The following CADM2 variants were observed in gnomAD, a reference collection of about 807,000 sequenced individuals.
CADM2 encodes the protein cell adhesion molecule 2, also known as immunoglobulin superfamily member 4D.
In CADM2, 12 loss-of-function variants were observed where a neutral mutation model predicts 49.8. The observed-to-expected ratio is 0.24, with a 90% CI of 0.15 to 0.39. The LOEUF is 0.39. CADM2 is among the 10% of genes least tolerant of loss of function. CADM2 has a pLI of 1.00. For synonymous variants in CADM2, 214 were observed against 175.4 expected (o/e 1.22, Z -1.74); for missense variants, 378 against 492.3 (o/e 0.77, Z 2.20).
chr3:85,146,580 A>C (rs1478897660), intron 1 of CADM2, among the ~76,000 whole-genome samples: 1 of 152,238 alleles, frequency 6.6e-6, no homozygotes, highest in African/African-American at 2.4e-5. Flanking sequence ...GATTTATATC[A>C]ATAGTAATTA....
At chr3:85,451,332 C>A (rs1039490431) in intron 1 of CADM2, among the ~76,000 whole-genome samples, 1 of 152,042 alleles carries the variant, frequency 6.6e-6, no homozygotes, top group Non-Finnish European at 1.5e-5. Context: ...TTATATAATA[C>A]TGAGATTACT....
intron 8 of CADM2, among the ~76,000 whole-genome samples, chr3:86,021,985 C>T (rs1469265900): frequency 6.6e-6 from 1 of 152,022 alleles, no homozygotes; most frequent in Non-Finnish European, 1.5e-5. Context: ...GCTGCTTTTG[C>T]CACACACTCA....
rs1012651078 is a variant in CADM2, at chr3:85,969,972, T to C, written c.970+8325T>C. On this transcript the variant is annotated intron_variant, in intron 8 of 9. Coordinates refer to ENST00000383699, the MANE Select transcript of CADM2 (RefSeq NM_001167675.2). ...GTGTGTTTGTGTGTGTGTGTGTGAG[T>C]GTATATATATATATACACTCATACA... Among the ~76,000 whole-genome samples the C allele has an allele frequency of 1.3e-4, 9 of 68,718 alleles. 1 individual carries two copies. The African/African-American group carries it at 1.5e-3, about 12-fold the overall frequency. 45.1% of individuals were successfully genotyped at this position (68,718 alleles called of 152,430 possible).
intron 1 of CADM2, among the ~76,000 whole-genome samples, chr3:85,220,895 T>A (rs1213202606): frequency 6.6e-6 from 1 of 152,096 alleles, no homozygotes; most frequent in Non-Finnish European, 1.5e-5. Context: ...AACAAAGAAC[T>A]AAAATCAATG....
chr3:85,497,849 C>A (rs894078874), intron 1 of CADM2, among the ~76,000 whole-genome samples: 3 of 151,548 alleles, frequency 2.0e-5, no homozygotes, highest in African/African-American at 7.3e-5. Context: ...TCTATCTATC[C>A]ATTTATCTGT....
At chr3:84,998,105 G>C (rs2033270747) in intron 1 of CADM2, among the ~76,000 whole-genome samples, 1 of 152,062 alleles carries the variant, frequency 6.6e-6, no homozygotes, top group South Asian at 2.1e-4. Flanking sequence ...AAATCTAACA[G>C]AGCCTTCCTT....
At chr3:85,295,320 G>T (rs2043928764) in intron 1 of CADM2, among the ~76,000 whole-genome samples, 1 of 151,992 alleles carries the variant, frequency 6.6e-6, no homozygotes, top group South Asian at 2.1e-4. Context: ...TGGAGAAATA[G>T]GAACACTTTT....
intron 1 of CADM2, among the ~76,000 whole-genome samples, chr3:85,068,455 T>G (rs2036600415): frequency 6.6e-6 from 1 of 152,104 alleles, no homozygotes; most frequent in Non-Finnish European, 1.5e-5. Context: ...TTAAGTTGAA[T>G]TCTGAGGTTG....
At chr3:85,845,981 G>GT (rs1245528342) in intron 3 of CADM2, among the ~76,000 whole-genome samples, 1 of 152,058 alleles carries the variant, frequency 6.6e-6, no homozygotes, top group Non-Finnish European at 1.5e-5. Context: ...TTCTACTGGG[G>GT]TTGGTGGTGG....
At chr3:85,389,713 A>AT (rs1268365063) in intron 1 of CADM2, among the ~76,000 whole-genome samples, 3 of 151,844 alleles carry the variant, frequency 2.0e-5, no homozygotes, top group East Asian at 1.9e-4. Context: ...CTTATTTATG[A>AT]TTTTTTTGTA....
intron 8 of CADM2, among the ~76,000 whole-genome samples, chr3:85,974,907 A>G (rs540893091): frequency 8.0e-4 from 122 of 151,734 alleles, no homozygotes; most frequent in African/African-American, 2.9e-3. Flanking sequence ...GAAAAGTATA[A>G]TTTATTACAA....
At chr3:86,032,864 C>T (rs1208154482) in intron 8 of CADM2, among the ~76,000 whole-genome samples, 1 of 151,542 alleles carries the variant, frequency 6.6e-6, no homozygotes, top group Non-Finnish European at 1.5e-5. Context: ...TAAAACCAAC[C>T]CTGCCTTTCT....
intron 1 of CADM2, among the ~76,000 whole-genome samples, chr3:85,518,941 A>T (rs144028522): frequency 1.2e-3 from 185 of 152,248 alleles, no homozygotes; most frequent in African/African-American, 4.2e-3. Context: ...GCCTACTACC[A>T]GGGCCATTTT....
intron 8 of CADM2, chr3:86,014,399 C>T (rs144808607): frequency 1.4e-6 from 2 of 1,476,848 alleles, no homozygotes; most frequent in Admixed American, 2.2e-5. Context: ...TGCATTTACT[C>T]AACGAAGTGA....
chr3:85,590,876 T>C (rs1474707539), intron 1 of CADM2, among the ~76,000 whole-genome samples: 1 of 151,866 alleles, frequency 6.6e-6, no homozygotes, highest in Non-Finnish European at 1.5e-5. Context: ...TAGGTTATAC[T>C]ATACTCAATA....
chr3:86,013,197 C>T (rs2106931556), intron 8 of CADM2: 2 of 1,374,706 alleles, frequency 1.5e-6, no homozygotes, highest in Non-Finnish European at 1.0e-6. Context: ...AACAGAAAAA[C>T]ATTGATGAAA....
chr3:85,741,336 A>AAG (rs889235958), intron 2 of CADM2, among the ~76,000 whole-genome samples: 1 of 47,156 alleles, frequency 2.1e-5, no homozygotes, highest in African/African-American at 1.5e-4. Flanking sequence ...CCCTCAAGAG[A>AAG]AAAAAAAAAT....
At chr3:85,632,730 C>G (rs2064349952) in intron 1 of CADM2, among the ~76,000 whole-genome samples, 1 of 151,836 alleles carries the variant, frequency 6.6e-6, no homozygotes, top group Non-Finnish European at 1.5e-5. Context: ...TTTTTCAGTG[C>G]CTATGACAAG....
chr3:85,046,520 C>T (rs547142529), intron 1 of CADM2, among the ~76,000 whole-genome samples: 12 of 151,784 alleles, frequency 7.9e-5, no homozygotes, highest in Non-Finnish European at 1.5e-4. Context: ...TATTTTTCAG[C>T]ATGTAAGCAT....
Sources: gnomAD v4.1 joint callset for allele counts (sites outside exome capture counted in the v4.1 genomes callset) on GRCh38, gnomAD v4.1.1 for gene constraint, MANE v1.5 for transcripts, NCBI Gene and HGNC (gene_info 2026-07-23, HGNC 2026-07-21) for gene names.